Variants in HNRNPUL1 observed in about 807,000 individuals in gnomAD.
HNRNPUL1 encodes heterogeneous nuclear ribonucleoprotein U like 1.
Under a neutral mutation model 108.5 loss-of-function variants are expected in HNRNPUL1, and 14 were observed. The ratio of observed to expected loss-of-function variants is 0.13; its 90% CI spans 0.09 to 0.20. The LOEUF (loss-of-function observed/expected upper bound fraction) is 0.20, where lower values mean the gene tolerates loss of function less well. Ranked by LOEUF, HNRNPUL1 falls within the 10% of genes least tolerant of loss-of-function variation. The pLI, the probability that HNRNPUL1 is intolerant of heterozygous loss-of-function variation, is 1.00. For missense variants in HNRNPUL1, 804 were observed against 1,168.3 expected, an observed-to-expected ratio of 0.69 and a Z score of 4.55; for synonymous variants, 422 against 445.2, an observed-to-expected ratio of 0.95 and a Z score of 0.66.
At chr19:41,295,856 A>G (rs1390258305) in intron 10 of HNRNPUL1, among the ~76,000 whole-genome samples, 2 of 152,212 alleles carry the variant, frequency 1.3e-5, no homozygotes, top group Admixed American at 6.5e-5. Flanking sequence ...TGAGGATCCT[A>G]CACAAAACAG....
intron 14 of HNRNPUL1, 140 bp downstream of exon 14, chr19:41,306,007 A>G: frequency 6.3e-6 from 4 of 638,216 alleles, no homozygotes; most frequent in Non-Finnish European, 5.5e-6. Context: ...TGGTGCAGCC[A>G]TTCCATTTGG....
At chr19:41,285,639 T>C (rs528521593) in intron 7 of HNRNPUL1, among the ~76,000 whole-genome samples, 5 of 152,204 alleles carry the variant, frequency 3.3e-5, no homozygotes, top group Admixed American at 6.5e-5. Context: ...TTTTTCTAGA[T>C]TGGTTCCATT....
At chr19:41,265,461 T>G in intron 1 of HNRNPUL1, 1 of 1,265,720 alleles carries the variant, frequency 7.9e-7, no homozygotes. Context: ...GAGATTGAAC[T>G]AGGGGGCACC....
At chr19:41,282,619 A>T (rs867257155) in intron 7 of HNRNPUL1, among the ~76,000 whole-genome samples, 1 of 152,148 alleles carries the variant, frequency 6.6e-6, no homozygotes. Context: ...GTACATACAC[A>T]TAGAGAGTTA....
At chr19:41,268,404 C>G (rs2034992264) in intron 2 of HNRNPUL1, 59 bp downstream of exon 2, 2 of 1,567,666 alleles carry the variant, frequency 1.3e-6, no homozygotes, top group East Asian at 4.6e-5. Context: ...GGAGCCTTTA[C>G]CCCCTGCTTA....
At chr19:41,293,988 T>A (rs2036739313) in intron 8 of HNRNPUL1, among the ~76,000 whole-genome samples, 1 of 151,996 alleles carries the variant, frequency 6.6e-6, no homozygotes, top group African/African-American at 2.4e-5. Context: ...GCCTGGGCAA[T>A]AGAGTGAGAC....
At chr19:41,277,411 C>T (rs1046092424) in intron 5 of HNRNPUL1, among the ~76,000 whole-genome samples, 7 of 152,322 alleles carry the variant, frequency 4.6e-5, no homozygotes, top group African/African-American at 1.2e-4. Context: ...TTATTGACCA[C>T]GACACCATTG....
At chr19:41,265,179 C>T (rs1409538630) in intron 1 of HNRNPUL1, 2 of 1,461,046 alleles carry the variant, frequency 1.4e-6, no homozygotes, top group Non-Finnish European at 1.8e-6. Context: ...TACGGAGCTC[C>T]GTGGGCTTGG....
rs2037596614 is a variant in HNRNPUL1 at position 41,307,291 on chromosome 19, A to G, written c.*726A>G. ...TTTATACGATGCCCCAGTTCCCCAT[A>G]ACTTTGCACACAAGCTTCTGTGTTC... On this transcript the variant is annotated 3_prime_UTR_variant, in exon 15 of 15. Transcript: ENST00000392006. The G allele has an allele frequency of 6.6e-6, 1 of 152,648 alleles. No individual in the cohort carries two copies. The highest frequency in any genetic ancestry group is 6.5e-5 in the Admixed American group (1 of 15,280). 9.5% of individuals were successfully genotyped at this position (152,648 alleles called of 1,614,324 possible). A position where few individuals can be genotyped will look rare whatever the true frequency, so the allele number is the denominator to read the frequency against.
At chr19:41,264,970 T>G (rs1599754410) in intron 1 of HNRNPUL1, 172 bp downstream of exon 1, 4 of 1,280,666 alleles carry the variant, frequency 3.1e-6, no homozygotes, top group African/African-American at 3.4e-5. Context: ...GACCGGAGGG[T>G]GGATCCTGAC....
intron 7 of HNRNPUL1, chr19:41,291,929 C>T (rs555115429): frequency 4.4e-5 from 14 of 321,426 alleles, no homozygotes; most frequent in African/African-American, 3.0e-4. Flanking sequence ...TGCGGTGAGC[C>T]CTAGCTGTGC....
chr19:41,271,791 C>A (rs140032027), intron 2 of HNRNPUL1, among the ~76,000 whole-genome samples: 14 of 152,306 alleles, frequency 9.2e-5, no homozygotes, highest in Admixed American at 2.0e-4. Context: ...ATCCTCTCCC[C>A]CTCCCTTGCC....
chr19:41,302,716 T>C lies in HNRNPUL1; in HGVS notation c.1739T>C (p.Ile580Thr), dbSNP rs1304955393. The C allele has an allele frequency of 6.8e-6, 11 of 1,614,024 alleles. No homozygotes were observed. Among genetic ancestry groups the C allele is most frequent in the Non-Finnish European group, 9.3e-6 (11 of 1,180,044 alleles). The change falls in exon 12 of 15, where the codon ATT (isoleucine) becomes ACT (threonine). Residue 580 changes from isoleucine to threonine, a missense_variant. By Grantham distance (89) the Ile-to-Thr change is moderately conservative. Coordinates refer to ENST00000392006, the MANE Select transcript of HNRNPUL1 (RefSeq NM_007040.6). ...GACTTCCTGGATGAGGTTCTGTTCATTGAGCTGCAGCGGGAGGAAGCGGAC... is the reference window on the plus strand; with the variant it reads ...GACTTCCTGGATGAGGTTCTGTTCACTGAGCTGCAGCGGGAGGAAGCGGAC... ...VGDFLDEVLF[I>T]ELQREEADKL...
chr19:41,272,087 A>G lies in HNRNPUL1; in HGVS notation c.424A>G (p.Lys142Glu). 6.2e-7 allele frequency: 1 copy of G among 1,613,740 alleles called. No homozygotes were observed. The highest frequency in any genetic ancestry group is 1.7e-4 in the Middle Eastern group (1 of 6,056). The change falls in exon 3 of 15, where the codon AAG (lysine) becomes GAG (glutamate). Residue 142 changes from lysine (K) to glutamate (E), a missense_variant. By Grantham distance (56) the Lys-to-Glu change is moderately conservative. Transcript: ENST00000392006. ...EQQQAYRPEM[K>E]TEMKQGAPTS... ...TGAATTTGTCTTGACAATAGAAATG[A>G]AGACAGAGATGAAGCAAGGAGCACC...
Position 41,307,659 on chromosome 19 carries a change from T to C in HNRNPUL1, c.*1094T>C, listed in dbSNP as rs907121361. Reference sequence around the variant, plus strand: ...TTTTGTTTTCTTTGAATAAATGACATGGCACCTCCTAGCAGGAAGGAAGCA... The same window carrying C: ...TTTTGTTTTCTTTGAATAAATGACACGGCACCTCCTAGCAGGAAGGAAGCA... On this transcript the variant is annotated 3_prime_UTR_variant, in exon 15 of 15. Coordinates refer to ENST00000392006, the MANE Select transcript of HNRNPUL1 (RefSeq NM_007040.6). The C allele has an allele frequency of 2.6e-5, 4 of 152,584 alleles. No homozygotes were observed. The highest frequency in any genetic ancestry group is 9.7e-5 in the African/African-American group (4 of 41,440). 9.5% of individuals were successfully genotyped at this position (152,584 alleles called of 1,614,324 possible).
rs558084251 is a variant in HNRNPUL1, at chr19:41,280,945, A to G, written c.887-218A>G. 69 of 513,052 alleles carry G rather than the reference A, an allele frequency of 1.3e-4. No homozygotes were observed. In the East Asian group the frequency reaches 1.9e-3, roughly 14 times the overall value. 31.8% of individuals were successfully genotyped at this position (513,052 alleles called of 1,614,324 possible). On this transcript the variant is annotated intron_variant, in intron 6 of 14. Coordinates refer to ENST00000392006, the MANE Select transcript of HNRNPUL1 (RefSeq NM_007040.6). Reference sequence around the variant, plus strand: ...TGCAGAGTTATTCAGTTGAGCTCCTACTCCCAGACTGGACAATGAAACCCA... The same window carrying G: ...TGCAGAGTTATTCAGTTGAGCTCCTGCTCCCAGACTGGACAATGAAACCCA...
chr19:41,303,512 G>A (rs764930813), intron 12 of HNRNPUL1, among the ~76,000 whole-genome samples: 9 of 151,966 alleles, frequency 5.9e-5, no homozygotes, highest in Non-Finnish European at 1.3e-4. Flanking sequence ...GCACCACCAC[G>A]CCCGGCTAAT....
chr19:41,305,993 C>A, intron 14 of HNRNPUL1, 126 bp downstream of exon 14: 1 of 666,712 alleles, frequency 1.5e-6, no homozygotes, highest in South Asian at 1.9e-5. Context: ...GCCTGGCGTT[C>A]ATCTGGTGCA....
At chr19:41,291,027 CAA>C (rs1261782522) in intron 7 of HNRNPUL1, among the ~76,000 whole-genome samples, 2 of 152,194 alleles carry the variant, frequency 1.3e-5, no homozygotes, top group South Asian at 2.1e-4. Flanking sequence ...GCCTGGGCAA[CAA>C]GAGTGAAATT....
Sources: allele counts gnomAD v4.1 joint callset (sites outside exome capture counted in the v4.1 genomes callset), GRCh38; gene constraint gnomAD v4.1.1; transcripts MANE v1.5; gene names NCBI Gene and HGNC (gene_info 2026-07-23, HGNC 2026-07-21).